Variants in RYR1 observed in about 807,000 individuals in gnomAD.
RYR1 encodes the protein central core disease of muscle.
A neutral mutation model predicts 583.5 loss-of-function variants in RYR1; 342 were observed. That is an observed-to-expected ratio of 0.59 (90% CI 0.54 to 0.64). The LOEUF (loss-of-function observed/expected upper bound fraction) is 0.64. RYR1 is among the 30% of genes least tolerant of loss of function. The pLI is 0.00. For synonymous variants in RYR1, 2,791 were observed against 2,822.5 expected, an observed-to-expected ratio of 0.99 and a Z score of 0.35; for missense variants, 6,032 against 6,917.2, an observed-to-expected ratio of 0.87 and a Z score of 4.54.
chr19:38,460,643 C>A, intron 20 of RYR1, 52 bp downstream of exon 20: 2 of 1,517,274 alleles, frequency 1.3e-6, no homozygotes, highest in South Asian at 1.1e-5. Flanking sequence ...TCTTAGGAGT[C>A]AGAGAGGGGG....
intron 99 of RYR1, among the ~76,000 whole-genome samples, chr19:38,579,349 C>T (rs1176433514): frequency 2.0e-5 from 3 of 149,632 alleles, no homozygotes; most frequent in Non-Finnish European, 4.4e-5. Context: ...CGCTTGAACC[C>T]GGGAGGCGGA....
intron 89 of RYR1, among the ~76,000 whole-genome samples, chr19:38,559,794 C>T (rs1056071282): frequency 1.3e-5 from 2 of 152,164 alleles, no homozygotes; most frequent in African/African-American, 4.8e-5. Flanking sequence ...TCTCACACTG[C>T]ATGTTGCTAC....
At chr19:38,461,744 AGG>A in intron 20 of RYR1, among the ~76,000 whole-genome samples, 1 of 97,196 alleles carries the variant, frequency 1.0e-5, no homozygotes, top group African/African-American at 3.5e-5. Flanking sequence ...AAAAAAAGAA[AGG>A]GAGAGAGAGA....
Position 38,464,733 on chromosome 19 carries a change from G to T in RYR1, c.2870+11G>T. On this transcript the variant is annotated intron_variant, in intron 23 of 105. Transcript: ENST00000359596. ...AAAACTCCCCAAGACGTGAGTGTGG[G>T]CAGCCAGGTCCCGTCTGGGGATGGA... The T allele has an allele frequency of 1.0e-5, 16 of 1,569,640 alleles. No individual in the cohort carries two copies. Among genetic ancestry groups the T allele is most frequent in the Non-Finnish European group, 1.4e-5 (16 of 1,156,766 alleles).
At position 38,473,673 on chromosome 19, in the gene RYR1, G is replaced by C. The variant is rs1968555632; in HGVS notation, c.4062G>C (p.Glu1354Asp). 6.4e-7 allele frequency: 1 copy of C among 1,551,312 alleles called. No homozygotes were observed. The part of the protein sequence containing the change: ...AENGKEGTAK[E>D]GAPGGTPQAG... ...ACGGCAAAGAAGGGACTGCGAAGGA[G>C]GGCGCCCCCGGGGGCACCCCGCAGG... Residue 1354 changes from glutamate to aspartate, a missense_variant, in exon 28 of 106, where the codon GAG becomes GAC. Coordinates refer to ENST00000359596, the MANE Select transcript of RYR1 (RefSeq NM_000540.3).
rs1969262855 is a variant in RYR1 at position 38,485,887 on chromosome 19, C to G, written c.5232C>G (p.Ile1744Met). 1.2e-6 allele frequency: 2 copies of G among 1,613,596 alleles called. No homozygotes were observed. The highest frequency in any genetic ancestry group is 1.7e-6 in the Non-Finnish European group (2 of 1,179,940). Residue 1744 changes from isoleucine (I) to methionine (M), a missense_variant, in exon 34 of 106, where the codon ATC (isoleucine) becomes ATG (methionine). By Grantham distance (10) the Ile-to-Met change is conservative (BLOSUM62 1). Coordinates refer to ENST00000359596, the MANE Select transcript of RYR1 (RefSeq NM_000540.3). Reference protein sequence around the residue: ...IVPLTPETRAITLFPPGRSTE... With the variant: ...IVPLTPETRAMTLFPPGRSTE... ...CCCTCACGCCTGAGACCCGCGCCAT[C>G]ACGCTCTTCCCTCCTGGAAGGAGCA...
In RYR1 at chr19:38,574,639, C is replaced by CA. The variant is rs543697889; in HGVS notation, c.14130-1270dup. 3.7e-3 allele frequency among the ~76,000 whole-genome samples: 507 copies of CA among 137,898 alleles called. 6 individuals are homozygous for CA. The highest frequency in any genetic ancestry group is 0.014 in the Middle Eastern group (4 of 278). 90.5% of individuals were successfully genotyped at this position (137,898 alleles called of 152,430 possible). ...AGAGCAAGACCCTATGTCTGGGGGC[C>CA]AAAAAAAAAACAAGTAGGAATTGGA... is the stretch of plus-strand genomic sequence containing the variant. On this transcript the variant is annotated intron_variant, in intron 96 of 105. Transcript: ENST00000359596.
At position 38,455,730 on chromosome 19, in the gene RYR1, C is replaced by A. The variant is rs1184981532; in HGVS notation, c.1770C>A (p.Asp590Glu). 1 of 1,611,122 alleles carries A rather than the reference C, an allele frequency of 6.2e-7. No homozygotes were observed. The highest frequency in any genetic ancestry group is 1.1e-5 in the South Asian group (1 of 91,012). Reference sequence around the variant, plus strand: ...TCAAGTCCATCATCTCCCTCCTGGACAAGCATGGGAGGAACCACAAGGTCG... The same window carrying A: ...TCAAGTCCATCATCTCCCTCCTGGAAAAGCATGGGAGGAACCACAAGGTCG... ...NHIKSIISLL[D>E]KHGRNHKVLD... Residue 590 changes from aspartate (D) to glutamate (E), a missense_variant, in exon 16 of 106, where the codon GAC becomes GAA. By Grantham distance (45) the Asp-to-Glu change is conservative. Transcript: ENST00000359596.
intron 61 of RYR1, 26 bp downstream of exon 61, chr19:38,511,636 T>C: frequency 6.2e-7 from 1 of 1,612,658 alleles, no homozygotes; most frequent in Non-Finnish European, 8.5e-7. Context: ...CCTTCGGTCT[T>C]CCTCCCTAAT....
rs773947484 is a variant in RYR1, at chr19:38,496,467, G to A, written c.6722G>A (p.Arg2241Gln). ...TGCCGCTTCCTCTGCTATTTCTGCCGAATCAGCCGGCAGAACCAGCGCTCC... is the reference window on the plus strand; with the variant it reads ...TGCCGCTTCCTCTGCTATTTCTGCCAAATCAGCCGGCAGAACCAGCGCTCC... ...SCCRFLCYFC[R>Q]ISRQNQRSMF... The change falls in exon 41 of 106, where the codon CGA becomes CAA. Residue 2241 changes from arginine to glutamine, a missense_variant. By Grantham distance (43) the Arg-to-Gln change is conservative. This residue lies in a region of RYR1 where 2,627 missense variants were observed against 2,961.3 expected (regional missense o/e 0.89). Coordinates refer to ENST00000359596, the MANE Select transcript of RYR1 (RefSeq NM_000540.3). This position sits in a 1 kb window ranked among gnomAD's most constrained non-coding sequence, Gnocchi z 4.8. 7 of 1,613,688 alleles carry A rather than the reference G, an allele frequency of 4.3e-6. No individual in the cohort carries two copies. The South Asian group carries it at 4.4e-5, about 10-fold the overall frequency.
intron 76 of RYR1, among the ~76,000 whole-genome samples, chr19:38,531,886 CAG>C (rs1971753088): frequency 6.6e-6 from 1 of 152,180 alleles, no homozygotes; most frequent in South Asian, 2.1e-4. Flanking sequence ...GCTTGGCCAA[CAG>C]AGCAAGACCC....
chr19:38,490,209 C>T lies in RYR1; in HGVS notation c.5948C>T (p.Ala1983Val), dbSNP rs746372336. The T allele has an allele frequency of 1.9e-6, 3 of 1,614,204 alleles. No homozygotes were observed. Among genetic ancestry groups the T allele is most frequent in the East Asian group, 2.2e-5 (1 of 44,884 alleles). ...QRSRYGLLIK[A>V]FSMTAAETAR... The stretch of plus-strand genomic sequence containing the variant: ...AGCCGCTATGGCCTCCTCATAAAAG[C>T]CTTCAGCATGACCGCAGCAGAGACT... Residue 1983 changes from alanine (A) to valine (V), a missense_variant, in exon 36 of 106, where the codon GCC (alanine) becomes GTC (valine). This residue lies in a region of RYR1 where 2,627 missense variants were observed against 2,961.3 expected (regional missense o/e 0.89). Coordinates refer to ENST00000359596, the MANE Select transcript of RYR1 (RefSeq NM_000540.3).
Position 38,448,692 on chromosome 19 carries a change from G to C in RYR1, c.1001G>C (p.Gly334Ala), listed in dbSNP as rs587784371. 2 of 1,614,212 alleles carry C rather than the reference G, an allele frequency of 1.2e-6. No homozygotes were observed. Among genetic ancestry groups the C allele is most frequent in the South Asian group, 1.1e-5 (1 of 91,086 alleles). ...VAPKRDVEGM[G>A]PPEIKYGESL... The stretch of plus-strand genomic sequence containing the variant: ...CCCAAGCGGGATGTGGAGGGCATGG[G>C]CCCCCCTGAGATCAAGTACGGGGAG... Residue 334 changes from glycine to alanine, a missense_variant, in exon 11 of 106, where the codon GGC becomes GCC. By Grantham distance (60) the Gly-to-Ala change is moderately conservative. Around this residue, in one of 11 missense-constraint regions of RYR1, gnomAD observed 338 missense variants for 441.6 expected, o/e 0.77. Transcript: ENST00000359596.
At position 38,573,205 on chromosome 19, in the gene RYR1, A is replaced by G. The variant is rs1371742997; in HGVS notation, c.14027A>G (p.Lys4676Arg). Residue 4676 changes from lysine to arginine, a missense_variant, in exon 96 of 106, where the codon AAG (lysine) becomes AGG (arginine). Lys to Arg is a conservative substitution (Grantham distance 26). Coordinates refer to ENST00000359596, the MANE Select transcript of RYR1 (RefSeq NM_000540.3). ...KVPLVIFKRE[K>R]ELARKLEFDG... ...CCCCTGGTAATCTTTAAGCGGGAGA[A>G]GGAGCTGGCCCGGAAGCTGGAGTTT... 3 of 1,613,924 alleles carry G rather than the reference A, an allele frequency of 1.9e-6. No homozygotes were observed. In the South Asian group the frequency reaches 3.3e-5, roughly 18 times the overall value.
intron 69 of RYR1, 143 bp downstream of exon 69, chr19:38,523,452 T>G (rs1362216954): frequency 2.4e-6 from 2 of 835,384 alleles, no homozygotes; most frequent in Non-Finnish European, 4.0e-6. Flanking sequence ...TTACCTCCTC[T>G]CCCTCTCCCT....
chr19:38,552,506 C>T (rs1972707436), intron 89 of RYR1, among the ~76,000 whole-genome samples: 1 of 152,196 alleles, frequency 6.6e-6, no homozygotes, highest in African/African-American at 2.4e-5. Context: ...CTGCCTCGGC[C>T]TCCCAAAGTG....
intron 11 of RYR1, among the ~76,000 whole-genome samples, chr19:38,450,340 G>A (rs866286080): frequency 4.6e-5 from 7 of 152,218 alleles, no homozygotes; most frequent in South Asian, 2.1e-4. Context: ...GGGAGGGGTT[G>A]AGGATGATGC....
intron 99 of RYR1, among the ~76,000 whole-genome samples, chr19:38,578,589 T>G (rs1974061809): frequency 6.6e-6 from 1 of 152,132 alleles, no homozygotes; most frequent in Non-Finnish European, 1.5e-5. Context: ...TCCCAGCACT[T>G]TGGGAGGCCG....
chr19:38,522,245 G>A (rs1211379253), intron 67 of RYR1, among the ~76,000 whole-genome samples: 2 of 152,062 alleles, frequency 1.3e-5, no homozygotes, highest in African/African-American at 4.8e-5. Context: ...GTGTGTCTAT[G>A]TATTGCATGC....
Sources: allele counts gnomAD v4.1 joint callset (sites outside exome capture counted in the v4.1 genomes callset), GRCh38; gene constraint gnomAD v4.1.1; regional missense constraint gnomAD v4.1.1; non-coding constraint Gnocchi (gnomAD v3.1); transcripts MANE v1.5; gene names NCBI Gene and HGNC (gene_info 2026-07-23, HGNC 2026-07-21).